Variants in EXOSC5 observed in about 807,000 individuals in gnomAD.
The protein encoded by EXOSC5 is exosome complex component RRP46.
In EXOSC5, 15 loss-of-function variants were observed where a neutral mutation model predicts 23.7. That is an observed-to-expected ratio of 0.63 (90% CI 0.42 to 0.97). The LOEUF (loss-of-function observed/expected upper bound fraction) is 0.97, where lower values mean the gene tolerates loss of function less well. EXOSC5 is among the 50% of genes least tolerant of loss of function. The pLI, the probability that EXOSC5 is intolerant of heterozygous loss-of-function variation, is 0.00. For synonymous variants in EXOSC5, 143 were observed against 140.9 expected (o/e 1.02, Z -0.11); for missense variants, 305 against 316.3 (o/e 0.96, Z 0.27).
At chr19:41,392,084 C>T (rs2039027359) in intron 2 of EXOSC5, 122 bp from the exon 3 acceptor site, 1 of 1,397,896 alleles carries the variant, frequency 7.2e-7, no homozygotes, top group African/African-American at 1.5e-5. Context: ...CAGTTACCTG[C>T]AGGGATGATG....
Position 41,386,608 on chromosome 19 carries a change from G to A in EXOSC5, c.*25C>T, listed in dbSNP as rs944113775. On this transcript the variant is annotated 3_prime_UTR_variant, in exon 6 of 6. Transcript: ENST00000221233. ...GGGGGTGAGTGGGTGGAGGCAATGG[G>A]AGCGGCCCCTTGCCCCAGCTTGCCT... 6.4e-7 allele frequency: 1 copy of A among 1,559,462 alleles called. No individual in the cohort carries two copies. Among genetic ancestry groups the A allele is most frequent in the Admixed American group, 1.9e-5 (1 of 51,966 alleles).
chr19:41,386,486 G>A lies in EXOSC5; in HGVS notation c.*147C>T. 1 of 689,988 alleles carries A rather than the reference G, an allele frequency of 1.4e-6. No individual in the cohort carries two copies. The highest frequency in any genetic ancestry group is 1.9e-5 in the South Asian group (1 of 51,706). The allele number at this position is 689,988 out of a possible 1,614,324, so 42.7% of individuals were successfully genotyped here. ...GGCCTGGGGGCTGTCACAGGCCAAG[G>A]CCTCCCCACAGGAGCCCTGTGGTTA... is the stretch of plus-strand genomic sequence containing the variant. On this transcript the variant is annotated 3_prime_UTR_variant, in exon 6 of 6. Coordinates refer to ENST00000221233, the MANE Select transcript of EXOSC5 (RefSeq NM_020158.4).
In EXOSC5 at chr19:41,392,917, A is replaced by C; in HGVS notation, c.212T>G (p.Phe71Cys). The change falls in exon 2 of 6, where the codon TTC becomes TGC. Residue 71 changes from phenylalanine to cysteine, a missense_variant. Transcript: ENST00000221233. ...PAEVKVSKEI[F>C]NKATLEVILR... The stretch of plus-strand genomic sequence containing the variant: ...GATCACTTCGAGTGTGGCCTTGTTG[A>C]AAATCTCTTTGCTGACCTTCACCTC... 1 of 1,613,872 alleles carries C rather than the reference A, an allele frequency of 6.2e-7. No homozygotes were observed. The highest frequency in any genetic ancestry group is 2.2e-5 in the East Asian group (1 of 44,868).
rs748393926 is a variant in EXOSC5 at position 41,397,310 on chromosome 19, T to C, written c.19A>G (p.Thr7Ala). The C allele has an allele frequency of 3.7e-6, 6 of 1,613,808 alleles. 1 individual carries two copies. In the Admixed American group the frequency reaches 5.0e-5, roughly 13 times the overall value. The change falls in exon 1 of 6, where the codon ACT becomes GCT. Residue 7 changes from threonine to alanine, a missense_variant. Coordinates refer to ENST00000221233, the MANE Select transcript of EXOSC5 (RefSeq NM_020158.4). ...TTTTCAGCACGGATTTTGGCGTCAG[T>C]ATGCGTCTCCTCCTCCATCGCGCCG... MEEETH[T>A]DAKIRAENGT...
intron 5 of EXOSC5, among the ~76,000 whole-genome samples, chr19:41,387,126 A>G (rs772556748): frequency 6.6e-6 from 1 of 152,144 alleles, no homozygotes; most frequent in Non-Finnish European, 1.5e-5. Context: ...CCCAGTCTTC[A>G]CTGCCATGTA....
chr19:41,396,732 C>T (rs1197284331), intron 1 of EXOSC5, among the ~76,000 whole-genome samples: 2 of 146,562 alleles, frequency 1.4e-5, no homozygotes, highest in East Asian at 2.0e-4. Context: ...ATGACATTAT[C>T]TTCAATTTGA....
At chr19:41,389,934 CTTTT>C (rs368205554) in intron 3 of EXOSC5, 29 bp from the exon 4 acceptor site, 43 of 1,411,476 alleles carry the variant, frequency 3.0e-5, no homozygotes, top group Admixed American at 7.2e-5. Context: ...GGTTAAGTTT[CTTTT>C]TTTTTTTTTT....
At chr19:41,389,011 T>C (rs1029619536) in intron 4 of EXOSC5, among the ~76,000 whole-genome samples, 3 of 152,234 alleles carry the variant, frequency 2.0e-5, no homozygotes, top group African/African-American at 7.2e-5. Flanking sequence ...AGTGGTGCGA[T>C]CTCAGCTCAC....
intron 5 of EXOSC5, 128 bp from the exon 6 acceptor site, chr19:41,386,853 G>T: frequency 2.9e-6 from 2 of 683,082 alleles, no homozygotes; most frequent in Non-Finnish European, 4.9e-6. Context: ...GCCCCCAAGT[G>T]AGGCAAGTGG....
chr19:41,387,730 G>C (rs1350824900), intron 4 of EXOSC5, 127 bp from the exon 5 acceptor site: 1 of 514,042 alleles, frequency 1.9e-6, no homozygotes, highest in Non-Finnish European at 3.2e-6. Flanking sequence ...GGCCAAGGCA[G>C]GGCACTGCTT....
intron 5 of EXOSC5, among the ~76,000 whole-genome samples, chr19:41,387,215 G>C (rs1055683038): frequency 6.6e-6 from 1 of 152,172 alleles, no homozygotes; most frequent in Non-Finnish European, 1.5e-5. Flanking sequence ...CTGCCCCTTA[G>C]CCTGAGACCT....
chr19:41,391,226 G>A (rs1599940500), intron 3 of EXOSC5, among the ~76,000 whole-genome samples: 1 of 152,186 alleles, frequency 6.6e-6, no homozygotes, highest in Non-Finnish European at 1.5e-5. Flanking sequence ...TTAGCCTGGC[G>A]TGGTGGCAGG....
chr19:41,387,100 A>G (rs2038990202), intron 5 of EXOSC5, among the ~76,000 whole-genome samples: 1 of 152,174 alleles, frequency 6.6e-6, no homozygotes, highest in Non-Finnish European at 1.5e-5. Flanking sequence ...TCTAAGAGCC[A>G]TGGAATCAAG....
intron 1 of EXOSC5, among the ~76,000 whole-genome samples, chr19:41,395,047 G>GA (rs59002070): frequency 2.3e-4 from 32 of 136,816 alleles, no homozygotes; most frequent in Admixed American, 7.6e-4. Flanking sequence ...AAAAAAAAAA[G>GA]AAAAAAAAAA....
At position 41,397,197 on chromosome 19, in the gene EXOSC5, A is replaced by G; in HGVS notation, c.132T>C (p.Ser44=). 2 of 1,614,128 alleles carry G rather than the reference A, an allele frequency of 1.2e-6. No individual in the cohort carries two copies. Among genetic ancestry groups the G allele is most frequent in the Non-Finnish European group, 1.7e-6 (2 of 1,179,948 alleles). ...EQNLLSRPDG[S]ASFLQGDTSV... ...AGTTCTTACCTTGCAGGAAGGAAGC[A>G]GAGCCATCTGGCCGCGACAGCAGGT... Residue 44 remains serine (S), a synonymous_variant, in exon 1 of 6, where the codon TCT becomes TCC. Coordinates refer to ENST00000221233, the MANE Select transcript of EXOSC5 (RefSeq NM_020158.4).
At chr19:41,388,008 G>A (rs183158368) in intron 4 of EXOSC5, among the ~76,000 whole-genome samples, 139 of 152,248 alleles carry the variant, frequency 9.1e-4, no homozygotes, top group African/African-American at 3.1e-3. Context: ...AGGGGACTCC[G>A]GACCCTTGGC....
intron 4 of EXOSC5, among the ~76,000 whole-genome samples, chr19:41,388,302 CA>C (rs376812896): frequency 1.6e-4 from 25 of 152,366 alleles, no homozygotes; most frequent in African/African-American, 5.8e-4. Context: ...GGCTGGAAGC[CA>C]GCAAGCTGTA....
intron 4 of EXOSC5, among the ~76,000 whole-genome samples, chr19:41,389,008 C>A (rs1049872575): frequency 1.3e-5 from 2 of 152,300 alleles, no homozygotes; most frequent in African/African-American, 4.8e-5. Context: ...TGAAGTGGTG[C>A]GATCTCAGCT....
At chr19:41,389,718 C>T (rs777153554) in intron 4 of EXOSC5, 47 bp downstream of exon 4, 7 of 1,589,034 alleles carry the variant, frequency 4.4e-6, no homozygotes, top group Non-Finnish European at 6.0e-6. Flanking sequence ...AAGGGACGGG[C>T]AGCTGTCTGG....
Sources: allele counts gnomAD v4.1 joint callset (sites outside exome capture counted in the v4.1 genomes callset), GRCh38; gene constraint gnomAD v4.1.1; transcripts MANE v1.5; gene names NCBI Gene and HGNC (gene_info 2026-07-23, HGNC 2026-07-21).